The following PMFBP1 variants were observed in gnomAD, a reference collection of about 807,000 sequenced individuals.
PMFBP1 encodes the protein polyamine-modulated factor 1-binding protein 1.
Under a neutral mutation model 137.8 loss-of-function variants are expected in PMFBP1, and 131 were observed. The ratio of observed to expected loss-of-function variants is 0.95; its 90% CI spans 0.82 to 1.10. The LOEUF is 1.10. PMFBP1 is among the 50% of genes least tolerant of loss of function. PMFBP1 has a pLI of 0.00. For missense variants in PMFBP1, 1,199 were observed against 1,175.4 expected, an observed-to-expected ratio of 1.02 and a Z score of -0.29; for synonymous variants, 490 against 450.4, an observed-to-expected ratio of 1.09 and a Z score of -1.11.
chr16:72,158,959 C>T (rs2043022486), intron 3 of PMFBP1, among the ~76,000 whole-genome samples: 4 of 152,142 alleles, frequency 2.6e-5, no homozygotes, highest in Admixed American at 2.6e-4. Flanking sequence ...CACACCACTG[C>T]ACCCCAGCCT....
intron 5 of PMFBP1, among the ~76,000 whole-genome samples, chr16:72,144,638 TA>T (rs1567631439): frequency 6.6e-6 from 1 of 152,044 alleles, no homozygotes; most frequent in Non-Finnish European, 1.5e-5. Flanking sequence ...GATAAAAACA[TA>T]AAAATGCAAA....
At chr16:72,198,070 T>A in the PMFBP1 span, among the ~76,000 whole-genome samples, 1 of 152,188 alleles carries the variant, frequency 6.6e-6, no homozygotes, top group Non-Finnish European at 1.5e-5. Flanking sequence ...TGGCTTTTCT[T>A]TTCTTTTTGC....
At chr16:72,136,337 G>C in intron 9 of PMFBP1, 111 bp downstream of exon 9, 1 of 1,258,220 alleles carries the variant, frequency 7.9e-7, no homozygotes, top group Non-Finnish European at 1.1e-6. Flanking sequence ...CACTGTGCTT[G>C]TGTTGAGGCT....
chr16:72,188,906 G>T, the PMFBP1 span, among the ~76,000 whole-genome samples: 1 of 152,202 alleles, frequency 6.6e-6, no homozygotes, highest in East Asian at 1.9e-4. Context: ...CCTTGTGCCA[G>T]GCTAGGATTT....
At chr16:72,190,037 C>T in the PMFBP1 span, among the ~76,000 whole-genome samples, 9 of 152,066 alleles carry the variant, frequency 5.9e-5, no homozygotes, top group African/African-American at 2.2e-4. Flanking sequence ...CTCAAAAAAC[C>T]AATCTTAGGT....
chr16:72,239,114 CTT>C, the PMFBP1 span, among the ~76,000 whole-genome samples: 1 of 152,170 alleles, frequency 6.6e-6, no homozygotes, highest in African/African-American at 2.4e-5. Flanking sequence ...GATTGAGAAA[CTT>C]TTTTCCTAAT....
the PMFBP1 span, among the ~76,000 whole-genome samples, chr16:72,224,237 C>G: frequency 6.6e-6 from 1 of 152,182 alleles, no homozygotes; most frequent in Non-Finnish European, 1.5e-5. Context: ...CTATATCCAT[C>G]TCTCTTTTCC....
At chr16:72,130,472 G>A (rs2042532705) in intron 11 of PMFBP1, 61 bp downstream of exon 11, 4 of 1,607,414 alleles carry the variant, frequency 2.5e-6, no homozygotes, top group Non-Finnish European at 3.4e-6. Context: ...TGCCCACAGA[G>A]GGCCCGGCTG....
the PMFBP1 span, among the ~76,000 whole-genome samples, chr16:72,246,086 G>T: frequency 6.6e-6 from 1 of 152,166 alleles, no homozygotes; most frequent in African/African-American, 2.4e-5. Context: ...ATGCGCACTG[G>T]GGAGGGAGGA....
chr16:72,130,171 C>T, intron 12 of PMFBP1, 42 bp downstream of exon 12: 4 of 1,603,960 alleles, frequency 2.5e-6, no homozygotes, highest in Non-Finnish European at 2.5e-6. Flanking sequence ...TTATCTTAAG[C>T]AGAGCAAGCA....
intron 2 of PMFBP1, among the ~76,000 whole-genome samples, chr16:72,167,165 C>T (rs908144217): frequency 1.3e-5 from 2 of 152,206 alleles, no homozygotes; most frequent in South Asian, 2.1e-4. Context: ...TGCACAAGGC[C>T]GAGGGGGGCC....
chr16:72,156,374 T>G (rs1414436124), intron 3 of PMFBP1, among the ~76,000 whole-genome samples: 1 of 152,078 alleles, frequency 6.6e-6, no homozygotes, highest in East Asian at 1.9e-4. Context: ...ATCCCAGGAC[T>G]TTGGGAGGCC....
the PMFBP1 span, among the ~76,000 whole-genome samples, chr16:72,188,829 T>G: frequency 6.6e-6 from 1 of 151,410 alleles, no homozygotes; most frequent in Non-Finnish European, 1.5e-5. Context: ...GCTATTAAGC[T>G]CGGCGGCCAT....
At chr16:72,197,931 A>C in the PMFBP1 span, among the ~76,000 whole-genome samples, 9 of 152,082 alleles carry the variant, frequency 5.9e-5, no homozygotes, top group Non-Finnish European at 1.3e-4. Context: ...AAAGTTGGCC[A>C]CCCCATGGGA....
chr16:72,160,434 TC>T (rs1156648704), intron 3 of PMFBP1, among the ~76,000 whole-genome samples: 3 of 152,340 alleles, frequency 2.0e-5, no homozygotes, highest in Non-Finnish European at 4.4e-5. Flanking sequence ...ACTTGCCAAT[TC>T]CTTAAGTACT....
the PMFBP1 span, among the ~76,000 whole-genome samples, chr16:72,225,934 GAC>G: frequency 0.21 from 29,662 of 140,460 alleles, 3,289 homozygotes; most frequent in East Asian, 0.33. Context: ...CACACTCACA[GAC>G]ACACACACAC....
intron 5 of PMFBP1, among the ~76,000 whole-genome samples, chr16:72,148,714 T>C (rs1193699312): frequency 6.6e-6 from 1 of 152,172 alleles, no homozygotes; most frequent in Admixed American, 6.5e-5. Context: ...AGTTAACAAG[T>C]AATTCATAAA....
chr16:72,225,492 C>A, the PMFBP1 span, among the ~76,000 whole-genome samples: 4 of 151,934 alleles, frequency 2.6e-5, no homozygotes, highest in African/African-American at 9.7e-5. Flanking sequence ...AAATTCAAGA[C>A]CAGCCTGGGT....
At chr16:72,226,307 T>C in the PMFBP1 span, among the ~76,000 whole-genome samples, 14 of 152,210 alleles carry the variant, frequency 9.2e-5, no homozygotes, top group Admixed American at 5.2e-4. Flanking sequence ...GCAATTAGCA[T>C]GGCCAGTAGC....
Sources: gnomAD v4.1 joint callset for allele counts (sites outside exome capture counted in the v4.1 genomes callset) on GRCh38, gnomAD v4.1.1 for gene constraint, MANE v1.5 for transcripts, NCBI Gene and HGNC (gene_info 2026-07-23, HGNC 2026-07-21) for gene names.